MEG3: variants seen among roughly 807,000 people sequenced by gnomAD.
MEG3 encodes the protein maternally expressed 3.
exon 1 of MEG3, chr14:100,859,250 C>G (rs553963021): frequency 6.6e-6 from 1 of 152,172 alleles, no homozygotes; most frequent in Non-Finnish European, 1.5e-5. Context: ...AAAGACTCTT[C>G]GGAGGAAACG....
At chr14:100,853,653 CATA>C (rs2038155955), upstream of MEG3, 1 of 151,822 alleles carries the variant, frequency 6.6e-6, no homozygotes, top group Non-Finnish European at 1.5e-5. Flanking sequence ...CATGAATCTT[CATA>C]ACCTCACTTG....
At chr14:100,850,603 C>CAAAAAAA (rs778741543) in intron 3 of MEG3, 1 of 97,986 alleles carries the variant, frequency 1.0e-5, no homozygotes, top group African/African-American at 4.6e-5. Context: ...TATCTTAGAT[C>CAAAAAAA]AAAAAAGAAA....
downstream of MEG3, chr14:100,830,999 A>C (rs2037382307): frequency 6.6e-6 from 1 of 152,632 alleles, no homozygotes. Context: ...AGTGGTTTTT[A>C]CATCCTTAAT....
rs933239225 is a variant in MEG3, at chr14:100,845,300, T to C, written n.3046-158T>C. On this transcript the variant is annotated intron_variant and non_coding_transcript_variant, in intron 2 of 3. Transcript: ENST00000398461. The surrounding 1 kb of genome is among the most constrained non-coding windows in gnomAD (Gnocchi z 5.2). ...TGGGTGAGTGGAGTCAGGAGAGAAATGCGTGGCTTCTCCAATTCCACACTT... is the reference window on the plus strand; with the variant it reads ...TGGGTGAGTGGAGTCAGGAGAGAAACGCGTGGCTTCTCCAATTCCACACTT... Among the ~76,000 whole-genome samples, 1 of 152,104 alleles carries C rather than the reference T, an allele frequency of 6.6e-6. No individual in the cohort carries two copies. The highest frequency in any genetic ancestry group is 1.5e-5 in the Non-Finnish European group (1 of 68,014).
chr14:100,857,513 C>A (rs894497521), exon 1 of MEG3: 1 of 152,204 alleles, frequency 6.6e-6, no homozygotes, highest in Non-Finnish European at 1.5e-5. Flanking sequence ...CAGCCCTGAC[C>A]TTACGCTGGG....
chr14:100,842,497 A>G (rs928460661), intron 2 of MEG3, among the ~76,000 whole-genome samples: 1 of 152,200 alleles, frequency 6.6e-6, no homozygotes, highest in East Asian at 1.9e-4. Context: ...CGGCCTCACA[A>G]AGGTACAGGA....
chr14:100,852,500 A>G (rs113399730), upstream of MEG3: 1,649 of 503,246 alleles, frequency 3.3e-3, 6 homozygotes, highest in Non-Finnish European at 4.2e-3. Flanking sequence ...TCTCTTTCAG[A>G]ATCTGGGGCT....
At chr14:100,847,286 G>C (rs2037945086) in intron 3 of MEG3, 1 of 152,030 alleles carries the variant, frequency 6.6e-6, no homozygotes, top group African/African-American at 2.4e-5. Flanking sequence ...AATGACAAAA[G>C]AAAGAAAAAA....
At chr14:100,827,662 T>C (rs1292130534) in intron 1 of MEG3, 1 of 152,382 alleles carries the variant, frequency 6.6e-6, no homozygotes, top group Non-Finnish European at 1.5e-5. Flanking sequence ...ATTGTTGTTG[T>C]GGCGAAGGAG....
At chr14:100,840,365 A>G (rs1230896754) in intron 2 of MEG3, among the ~76,000 whole-genome samples, 5 of 152,044 alleles carry the variant, frequency 3.3e-5, no homozygotes, top group Non-Finnish European at 7.4e-5. Context: ...TTTCAGATGG[A>G]AACAAAGGCT....
At chr14:100,835,085 CTCCATAGAGGTAGGCCGG>C (rs1196275213) in exon 1 of MEG3, 2 of 340,258 alleles carry the variant, frequency 5.9e-6, no homozygotes, top group Non-Finnish European at 1.2e-5. Flanking sequence ...TGGACTGTGG[CTCCATAGAGGTAGGCCGG>C]AGGGTGTGAG....
At chr14:100,850,690 G>A (rs2038047609) in intron 3 of MEG3, 2 of 151,590 alleles carry the variant, frequency 1.3e-5, no homozygotes, top group African/African-American at 4.8e-5. Flanking sequence ...AATTTGGGAA[G>A]AAATGAAAAA....
At chr14:100,826,117 C>A (rs1219467651) in intron 1 of MEG3, 1 of 152,252 alleles carries the variant, frequency 6.6e-6, no homozygotes, top group South Asian at 2.1e-4. Flanking sequence ...CAGCCCCTAG[C>A]GCAGACGGCG....
At chr14:100,840,958 C>G (rs1414154550) in intron 2 of MEG3, among the ~76,000 whole-genome samples, 1 of 152,228 alleles carries the variant, frequency 6.6e-6, no homozygotes, top group African/African-American at 2.4e-5. Flanking sequence ...TGGCAGTGGA[C>G]ATAGAGTGAT....
intron 3 of MEG3, chr14:100,852,176 C>T (rs1363563648): frequency 2.7e-6 from 1 of 371,064 alleles, no homozygotes; most frequent in Non-Finnish European, 5.5e-6. Flanking sequence ...GGAGTGCGGG[C>T]GCAGGCATGG....
chr14:100,828,100 G>T (rs1369314606), intron 1 of MEG3, among the ~76,000 whole-genome samples: 1 of 152,056 alleles, frequency 6.6e-6, no homozygotes, highest in Non-Finnish European at 1.5e-5. Context: ...TGGCGCGGTG[G>T]CCTGGGGTGG....
In MEG3 at chr14:100,845,613, G is replaced by C; in HGVS notation, n.3121+80G>C. ...CCAGCTGCCCGGAGCACACCGCCAG[G>C]CGGACCTCGTGGAGGGGCTGGCGGG... On this transcript the variant is annotated intron_variant and non_coding_transcript_variant, in intron 3 of 3. Coordinates refer to the MEG3 transcript ENST00000398461. The surrounding 1 kb of genome is among the most constrained non-coding windows in gnomAD (Gnocchi z 5.2). 1 of 417,100 alleles carries C rather than the reference G, an allele frequency of 2.4e-6. No individual in the cohort carries two copies. The highest frequency in any genetic ancestry group is 4.9e-6 in the Non-Finnish European group (1 of 205,426). 25.8% of individuals were successfully genotyped at this position (417,100 alleles called of 1,614,324 possible). A position where few individuals can be genotyped will look rare whatever the true frequency, so the allele number is the denominator to read the frequency against.
intron 2 of MEG3, among the ~76,000 whole-genome samples, chr14:100,839,364 T>A (rs2139965798): frequency 6.6e-6 from 1 of 152,256 alleles, no homozygotes; most frequent in South Asian, 2.1e-4. Flanking sequence ...CTGAGCCCTG[T>A]CCCCTCTTCC....
At chr14:100,836,934 A>G (rs1392123750) in intron 2 of MEG3, among the ~76,000 whole-genome samples, 1 of 152,238 alleles carries the variant, frequency 6.6e-6, no homozygotes, top group Non-Finnish European at 1.5e-5. Flanking sequence ...ATGGTAGAGA[A>G]GAAGAAAGCG....
Sources: gnomAD v4.1 joint callset for allele counts (sites outside exome capture counted in the v4.1 genomes callset) on GRCh38, gnomAD v4.1.1 for gene constraint, Gnocchi (gnomAD v3.1) non-coding constraint, MANE v1.5 for transcripts, NCBI Gene and HGNC (gene_info 2026-07-23, HGNC 2026-07-21) for gene names.